PANK1: variants seen among roughly 807,000 people sequenced by gnomAD.
PANK1 encodes the protein pantothenate kinase 1.
In PANK1, 18 loss-of-function variants were observed where a neutral mutation model predicts 40.1. The ratio of observed to expected loss-of-function variants is 0.45; its 90% CI spans 0.31 to 0.67. The LOEUF (loss-of-function observed/expected upper bound fraction) is 0.67, where lower values mean the gene tolerates loss of function less well. PANK1 is among the 30% of genes least tolerant of loss of function. The pLI, the probability that PANK1 is intolerant of heterozygous loss-of-function variation, is 0.06. For synonymous variants in PANK1, 242 were observed against 237.7 expected, an observed-to-expected ratio of 1.02 and a Z score of -0.17; for missense variants, 457 against 599.6, an observed-to-expected ratio of 0.76 and a Z score of 2.48.
At position 89,643,671 on chromosome 10, in the gene PANK1, CATTT is replaced by C. The variant is rs748066356; in HGVS notation, c.292+925_292+928del. 41 of 1,539,000 alleles carry C rather than the reference CATTT, an allele frequency of 2.7e-5. No homozygotes were observed. In the Admixed American group the frequency reaches 6.5e-4, roughly 24 times the overall value. ...AGCATAACCTCTATGCAAATGCAGT[CATTT>C]ATTAGCATTTACTGTACTTACTTTG... On this transcript the variant is annotated intron_variant, in intron 1 of 6. Transcript: ENST00000307534.
At chr10:89,580,367 T>C (rs1186956398), downstream of PANK1, 1 of 152,254 alleles carries the variant, frequency 6.6e-6, no homozygotes, top group African/African-American at 2.4e-5. Flanking sequence ...TTGAAACTCT[T>C]TGATGGCTCC....
intron 1 of PANK1, among the ~76,000 whole-genome samples, chr10:89,634,165 ATT>A (rs1841734081): frequency 6.6e-6 from 1 of 152,214 alleles, no homozygotes; most frequent in Admixed American, 6.5e-5. Flanking sequence ...GCTAACATTT[ATT>A]GAGTGCTTAC....
At chr10:89,608,279 C>T (rs913359310) in intron 2 of PANK1, among the ~76,000 whole-genome samples, 1 of 152,060 alleles carries the variant, frequency 6.6e-6, no homozygotes, top group East Asian at 1.9e-4. Context: ...GATCCACCCA[C>T]CTCGGCCCCC....
chr10:89,618,356 C>T (rs1055370500), intron 1 of PANK1, among the ~76,000 whole-genome samples: 6 of 152,184 alleles, frequency 3.9e-5, no homozygotes, highest in Non-Finnish European at 4.4e-5. Context: ...TAACTTGCCA[C>T]TTTTAGTTCA....
chr10:89,604,615 A>G (rs1169832054), intron 2 of PANK1, among the ~76,000 whole-genome samples: 2 of 144,722 alleles, frequency 1.4e-5, no homozygotes, highest in Non-Finnish European at 3.0e-5. Context: ...AATCGCCTGA[A>G]CCCAGGAGGC....
intron 1 of PANK1, among the ~76,000 whole-genome samples, chr10:89,615,602 C>G (rs1016722082): frequency 6.6e-6 from 1 of 152,098 alleles, no homozygotes; most frequent in African/African-American, 2.4e-5. Flanking sequence ...GGGGTTTCAC[C>G]ACGTTGCCCA....
Position 89,644,707 on chromosome 10 carries a change from G to A in PANK1, c.185C>T (p.Pro62Leu), listed in dbSNP as rs748935736. ...CTGCGGCTGCAGCTCCGGCAGGAGCGGGAGGCGCTGGGGCGCCGCGTCGCT... is the reference window on the plus strand; with the variant it reads ...CTGCGGCTGCAGCTCCGGCAGGAGCAGGAGGCGCTGGGGCGCCGCGTCGCT... ...GGSDAAPQRL[P>L]LLPELQPQPL... is the part of the protein sequence containing the mutation. The change falls in exon 1 of 7, where the codon CCG becomes CTG. Residue 62 changes from proline (P) to leucine (L), a missense_variant. By Grantham distance (98) the Pro-to-Leu change is moderately conservative. Transcript: ENST00000307534. The A allele has an allele frequency of 3.2e-6, 5 of 1,539,134 alleles. No homozygotes were observed. Among genetic ancestry groups the A allele is most frequent in the African/African-American group, 1.4e-5 (1 of 71,096 alleles).
chr10:89,580,418 C>G (rs1844031695), downstream of PANK1: 2 of 152,226 alleles, frequency 1.3e-5, no homozygotes, highest in South Asian at 4.1e-4. Context: ...GCATGGAAGA[C>G]AAGTCCTTCC....
rs895670272 is a variant in PANK1, at chr10:89,583,198, T to C, written c.*1208A>G. 2 of 152,204 alleles carry C rather than the reference T, an allele frequency of 1.3e-5. No homozygotes were observed. Among genetic ancestry groups the C allele is most frequent in the African/African-American group, 4.8e-5 (2 of 41,466 alleles). The allele number at this position is 152,204 out of a possible 1,614,324, so 9.4% of individuals were successfully genotyped here. Reference sequence around the variant, plus strand: ...TCATGGGATCTCATGCATCCCAATATTTGTACATGACCCTCATTTGAAAGT... The same window carrying C: ...TCATGGGATCTCATGCATCCCAATACTTGTACATGACCCTCATTTGAAAGT... On this transcript the variant is annotated 3_prime_UTR_variant, in exon 7 of 7. Transcript: ENST00000307534.
Position 89,644,680 on chromosome 10 carries a change from G to A in PANK1, c.212C>T (p.Pro71Leu), listed in dbSNP as rs536036844. Residue 71 changes from proline (P) to leucine (L), a missense_variant, in exon 1 of 7, where the codon CCA becomes CTA. This residue lies in a region of PANK1 where 144 missense variants were observed against 131.2 expected (regional missense o/e 1.10). Coordinates refer to ENST00000307534, the MANE Select transcript of PANK1 (RefSeq NM_148977.3). ...LPLLPELQPQ[P>L]LLPQHDSPAK... ...CGGGGAGTCATGCTGAGGGAGCAGT[G>A]GCTGCGGCTGCAGCTCCGGCAGGAG... 2 of 1,559,296 alleles carry A rather than the reference G, an allele frequency of 1.3e-6. No individual in the cohort carries two copies. Among genetic ancestry groups the A allele is most frequent in the East Asian group, 4.8e-5 (2 of 41,598 alleles).
chr10:89,632,204 G>A (rs1398485652), intron 1 of PANK1, among the ~76,000 whole-genome samples: 2 of 152,000 alleles, frequency 1.3e-5, no homozygotes, highest in South Asian at 2.1e-4. Flanking sequence ...TTTCCAAAAC[G>A]CTCACTCAGG....
intron 4 of PANK1, 48 bp downstream of exon 4, chr10:89,593,765 G>A (rs776498984): frequency 6.3e-6 from 9 of 1,418,228 alleles, no homozygotes; most frequent in Non-Finnish European, 9.0e-6. Flanking sequence ...AGGGTGGAGA[G>A]GCTGCCTTGT....
chr10:89,593,103 G>T, intron 5 of PANK1, 94 bp downstream of exon 5: 1 of 1,251,008 alleles, frequency 8.0e-7, no homozygotes, highest in Non-Finnish European at 1.2e-6. Context: ...CTTTCCTAAG[G>T]ATATGTAGTT....
intron 3 of PANK1, among the ~76,000 whole-genome samples, chr10:89,595,693 G>C (rs1227015223): frequency 6.9e-6 from 1 of 145,432 alleles, no homozygotes; most frequent in African/African-American, 2.6e-5. Context: ...GGTGGCACGC[G>C]CCTGTAATCC....
At chr10:89,638,710 T>C (rs1841892823) in intron 1 of PANK1, among the ~76,000 whole-genome samples, 1 of 152,192 alleles carries the variant, frequency 6.6e-6, no homozygotes, top group Non-Finnish European at 1.5e-5. Flanking sequence ...CCTTGCCACT[T>C]CATAACAAGG....
downstream of PANK1, chr10:89,579,801 T>C (rs1165119613): frequency 6.6e-6 from 1 of 152,256 alleles, no homozygotes; most frequent in Non-Finnish European, 1.5e-5. Context: ...GTTTATATGC[T>C]TCAAGTTTAT....
At chr10:89,643,962 C>A in intron 1 of PANK1, 1 of 957,292 alleles carries the variant, frequency 1.0e-6, no homozygotes, top group Admixed American at 3.2e-5. Context: ...AAAAATCCAC[C>A]TCCAATCCTC....
chr10:89,626,436 C>G (rs1845664956), intron 1 of PANK1: 1 of 151,934 alleles, frequency 6.6e-6, no homozygotes, highest in Admixed American at 6.6e-5. Flanking sequence ...TCCCAAGTAG[C>G]TGGGACTACA....
intron 1 of PANK1, among the ~76,000 whole-genome samples, chr10:89,629,430 C>T (rs912380064): frequency 6.6e-6 from 1 of 152,106 alleles, no homozygotes; most frequent in African/African-American, 2.4e-5. Context: ...TAAATATGAA[C>T]ATTCAAAATA....
Sources: allele counts gnomAD v4.1 joint callset (sites outside exome capture counted in the v4.1 genomes callset), GRCh38; gene constraint gnomAD v4.1.1; regional missense constraint gnomAD v4.1.1; transcripts MANE v1.5; gene names NCBI Gene and HGNC (gene_info 2026-07-23, HGNC 2026-07-21).